GRK5: variants seen among roughly 807,000 people sequenced by gnomAD.
GRK5 encodes G protein-coupled receptor kinase 5.
Under a neutral mutation model 78.4 loss-of-function variants are expected in GRK5, and 40 were observed. That is an observed-to-expected ratio of 0.51 (90% CI 0.40 to 0.66). GRK5 has a LOEUF of 0.66. GRK5 is among the 30% of genes least tolerant of loss of function. GRK5 has a pLI of 0.00. For synonymous variants in GRK5, 289 were observed against 296.8 expected (o/e 0.97, Z 0.27); for missense variants, 598 against 759.9 (o/e 0.79, Z 2.50).
At chr10:119,367,697 G>T (rs12762734) in intron 2 of GRK5, among the ~76,000 whole-genome samples, 2 of 152,156 alleles carry the variant, frequency 1.3e-5, no homozygotes, top group African/African-American at 4.8e-5. Flanking sequence ...GCATGGTGTT[G>T]ATAAAGAGTA....
chr10:119,383,664 C>T (rs188265832), intron 3 of GRK5, among the ~76,000 whole-genome samples: 2 of 152,352 alleles, frequency 1.3e-5, no homozygotes, highest in East Asian at 1.9e-4. Flanking sequence ...GCACTGTAGT[C>T]ATTATCCTGA....
chr10:119,329,750 A>C (rs1018461875), intron 2 of GRK5, among the ~76,000 whole-genome samples: 1 of 151,302 alleles, frequency 6.6e-6, no homozygotes, highest in Non-Finnish European at 1.5e-5. Context: ...AAACAAAAAC[A>C]AAAAAAACCT....
In GRK5 at chr10:119,452,611, C is replaced by T. The variant is rs1853310552; in HGVS notation, c.1405-60C>T. On this transcript the variant is annotated intron_variant, in intron 13 of 15. Coordinates refer to ENST00000392870, the MANE Select transcript of GRK5 (RefSeq NM_005308.3). The surrounding 1 kb of genome is among the most constrained non-coding windows in gnomAD (Gnocchi z 4.4). ...TGCTCCCCAAAACCCCAAGGCCTGG[C>T]TCGGGGCCACTGGAGCCGCAGGCGG... 6.2e-7 allele frequency: 1 copy of T among 1,604,554 alleles called. No homozygotes were observed. The highest frequency in any genetic ancestry group is 1.3e-5 in the African/African-American group (1 of 74,840).
At chr10:119,425,950 AC>A (rs1852670005) in intron 6 of GRK5, among the ~76,000 whole-genome samples, 2 of 152,120 alleles carry the variant, frequency 1.3e-5, no homozygotes, top group Admixed American at 1.3e-4. Flanking sequence ...GTGCTCTGCT[AC>A]CTTCACTGGC....
rs112595576 is a variant in GRK5, at chr10:119,274,334, C to A, written c.53-52182C>A. On this transcript the variant is annotated intron_variant, in intron 1 of 15. Transcript: ENST00000392870. ...TGACAAGACTGGGAAATAGAGCTAG[C>A]GACTGATAAGTGTTCAGGGGTGGGG... Among the ~76,000 whole-genome samples the A allele has an allele frequency of 1.8e-4, 28 of 152,282 alleles. No homozygotes were observed. In the South Asian group the frequency reaches 2.1e-3, roughly 11 times the overall value.
rs1007588855 is a variant in GRK5 at position 119,412,935 on chromosome 10, G to A, written c.340-10231G>A. 1.3e-5 allele frequency among the ~76,000 whole-genome samples: 2 copies of A among 152,160 alleles called. No individual in the cohort carries two copies. The highest frequency in any genetic ancestry group is 4.8e-5 in the African/African-American group (2 of 41,446). ...TCAGGGAATCGGAGCTCGGCGAGAC[G>A]AGGGGAGCTCTTGGCCGTGTGAAGA... On this transcript the variant is annotated intron_variant, in intron 4 of 15. Coordinates refer to ENST00000392870, the MANE Select transcript of GRK5 (RefSeq NM_005308.3). The surrounding 1 kb of genome is among the most constrained non-coding windows in gnomAD (Gnocchi z 4.3).
At chr10:119,316,159 G>T (rs773752884) in intron 1 of GRK5, among the ~76,000 whole-genome samples, 4 of 152,200 alleles carry the variant, frequency 2.6e-5, no homozygotes, top group Non-Finnish European at 4.4e-5. Context: ...AGGGGCTTCT[G>T]CTCTGAGCTG....
chr10:119,288,543 C>T (rs1849897007), intron 1 of GRK5, among the ~76,000 whole-genome samples: 1 of 152,204 alleles, frequency 6.6e-6, no homozygotes, highest in Non-Finnish European at 1.5e-5. Context: ...GGGACCATCC[C>T]GTGTCTGTGA....
chr10:119,213,251 C>T (rs1205766796), intron 1 of GRK5: 1 of 152,326 alleles, frequency 6.6e-6, no homozygotes, highest in Non-Finnish European at 1.5e-5. Flanking sequence ...TGGCTCATGT[C>T]TGTAATCCCA....
chr10:119,357,465 C>A (rs1851281971), intron 2 of GRK5, among the ~76,000 whole-genome samples: 1 of 152,168 alleles, frequency 6.6e-6, no homozygotes, highest in Non-Finnish European at 1.5e-5. Flanking sequence ...ACGCGGGTAA[C>A]CCTGGTGGAT....
At chr10:119,242,397 C>T (rs1049510027) in intron 1 of GRK5, among the ~76,000 whole-genome samples, 6 of 151,576 alleles carry the variant, frequency 4.0e-5, no homozygotes, top group Non-Finnish European at 5.9e-5. Context: ...GCTGCATTGA[C>T]GTCAGGAAGG....
chr10:119,214,886 C>G (rs1338890991), intron 1 of GRK5, among the ~76,000 whole-genome samples: 1 of 152,182 alleles, frequency 6.6e-6, no homozygotes, highest in African/African-American at 2.4e-5. Context: ...CAAGAAGACC[C>G]TTTGGTTGAG....
chr10:119,402,886 A>AT (rs1852172585), intron 4 of GRK5, among the ~76,000 whole-genome samples: 1 of 152,098 alleles, frequency 6.6e-6, no homozygotes, highest in Admixed American at 6.6e-5. Flanking sequence ...AAAAATACCA[A>AT]TTTTTTTGAG....
At chr10:119,223,201 A>G (rs979912252) in intron 1 of GRK5, among the ~76,000 whole-genome samples, 2 of 152,076 alleles carry the variant, frequency 1.3e-5, no homozygotes, top group African/African-American at 2.4e-5. Flanking sequence ...CCTCTTGTGC[A>G]TCTGTCCCTG....
chr10:119,240,029 T>C (rs1022150126), intron 1 of GRK5, among the ~76,000 whole-genome samples: 7 of 152,162 alleles, frequency 4.6e-5, no homozygotes, highest in African/African-American at 1.7e-4. Context: ...TTTGGGTATA[T>C]ACCCAGTAAT....
chr10:119,452,648 G>T lies in GRK5; in HGVS notation c.1405-23G>T. The T allele has an allele frequency of 6.2e-7, 1 of 1,613,506 alleles. No individual in the cohort carries two copies. Among genetic ancestry groups the T allele is most frequent in the South Asian group, 1.1e-5 (1 of 91,042 alleles). On this transcript the variant is annotated intron_variant, in intron 13 of 15. Coordinates refer to ENST00000392870, the MANE Select transcript of GRK5 (RefSeq NM_005308.3). This position sits in a 1 kb window ranked among gnomAD's most constrained non-coding sequence, Gnocchi z 4.4. ...GGAGCCGCAGGCGGGACATATGTGT[G>T]ACCGGCCCTCTGCCCCTGGCAGCCC... is the stretch of plus-strand genomic sequence containing the variant.
chr10:119,317,695 C>T (rs1302758353), intron 1 of GRK5, among the ~76,000 whole-genome samples: 1 of 152,064 alleles, frequency 6.6e-6, no homozygotes, highest in Admixed American at 6.5e-5. Flanking sequence ...GAGTCAGAGC[C>T]CAGGATCACC....
rs191369133 is a variant in GRK5 at position 119,436,220 on chromosome 10, C to G, written c.739-431C>G. Among the ~76,000 whole-genome samples the G allele has an allele frequency of 9.8e-5, 15 of 152,374 alleles. No homozygotes were observed. In the East Asian group the frequency reaches 2.5e-3, roughly 25 times the overall value. ...GGCCATGTTCCACTTCCCAAAGCCC[C>G]ACTGCCCCTCCAGCTCACCCTTACT... On this transcript the variant is annotated intron_variant, in intron 8 of 15. Transcript: ENST00000392870.
intron 6 of GRK5, among the ~76,000 whole-genome samples, chr10:119,428,829 G>T (rs1244033388): frequency 1.3e-5 from 2 of 152,232 alleles, no homozygotes; most frequent in Non-Finnish European, 2.9e-5. Context: ...TGCCTGGTTG[G>T]TGCTGTACTG....
Sources: gnomAD v4.1 joint callset for allele counts (sites outside exome capture counted in the v4.1 genomes callset) on GRCh38, gnomAD v4.1.1 for gene constraint, Gnocchi (gnomAD v3.1) non-coding constraint, MANE v1.5 for transcripts, NCBI Gene and HGNC (gene_info 2026-07-23, HGNC 2026-07-21) for gene names.